The following COA8 variants were observed in gnomAD, a reference collection of about 807,000 sequenced individuals.
COA8 encodes the protein cytochrome c oxidase assembly factor 8, also known as UPF0671 protein C14orf153.
A neutral mutation model predicts 22.0 loss-of-function variants in COA8; 20 were observed. The observed-to-expected ratio is 0.91, with a 90% confidence interval of 0.64 to 1.32. COA8 has a LOEUF of 1.32. COA8 is among the 40% of genes most tolerant of loss of function. The pLI, the probability that COA8 is intolerant of heterozygous loss-of-function variation, is 0.00. For synonymous variants in COA8, 105 were observed against 79.9 expected (o/e 1.31, Z -1.68); for missense variants, 266 against 230.0 (o/e 1.16, Z -1.01).
chr14:103,587,526 G>A (rs28514618), intron 4 of COA8, among the ~76,000 whole-genome samples, 162 bp downstream of exon 4: 11 of 96,500 alleles, frequency 1.1e-4, no homozygotes, highest in Non-Finnish European at 1.4e-4. Flanking sequence ...TTTTTTTTTT[G>A]AGACGGAGTT....
intron 4 of COA8, chr14:103,588,088 T>C (rs8008382): frequency 0.64 from 144,927 of 228,170 alleles, 48,589 homozygotes; most frequent in African/African-American, 0.75. Context: ...TGCACTCCAG[T>C]CTGGGCAAGG....
rs1595139032 is a variant in COA8, at chr14:103,571,503, A to C, written c.124-120A>C. The C allele has an allele frequency of 4.6e-5, 46 of 994,524 alleles. No individual in the cohort carries two copies. The East Asian group carries it at 8.9e-4, about 19-fold the overall frequency. The allele number at this position is 994,524 out of a possible 1,614,324, so 61.6% of individuals were successfully genotyped here. A position where few individuals can be genotyped will look rare whatever the true frequency, so the allele number is the denominator to read the frequency against. On this transcript the variant is annotated intron_variant, in intron 1 of 4. Transcript: ENST00000409074. Reference sequence around the variant, plus strand: ...ACTTTGGCTGAGATCACGCCACTACACTCCAGTCTGGCAACAGAGCGAGAC... The same window carrying C: ...ACTTTGGCTGAGATCACGCCACTACCCTCCAGTCTGGCAACAGAGCGAGAC...
Position 103,563,107 on chromosome 14 carries a change from G to C in COA8, c.106G>C (p.Asp36His), listed in dbSNP as rs768347313. 6.5e-7 allele frequency: 1 copy of C among 1,540,246 alleles called. No individual in the cohort carries two copies. The highest frequency in any genetic ancestry group is 1.4e-5 in the African/African-American group (1 of 73,234). Reference protein sequence around the residue: ...LAPERGAERRDTAPSGVSRFC... With the variant: ...LAPERGAERRHTAPSGVSRFC... ...TCCGGAGCGCGGCGCCGAGCGCAGG[G>C]ATACGGCGCCCAGCGGGGTAAGCAG... is the stretch of plus-strand genomic sequence containing the variant. Residue 36 changes from aspartate to histidine, a missense_variant, in exon 1 of 5, where the codon GAT (aspartate) becomes CAT (histidine). Physicochemically the swap from Asp to His is moderately conservative, Grantham distance 81. Coordinates refer to ENST00000409074, the MANE Select transcript of COA8 (RefSeq NM_001370595.2).
chr14:103,588,471 AATT>A (rs1374692707), intron 4 of COA8, among the ~76,000 whole-genome samples: 5 of 142,376 alleles, frequency 3.5e-5, no homozygotes, highest in African/African-American at 1.3e-4. Context: ...ATAAGTAAGT[AATT>A]AAAAAAATAT....
At position 103,581,047 on chromosome 14, in the gene COA8, G is replaced by A. The variant is rs1183817509; in HGVS notation, c.386-6227G>A. ...ACTCCCAACCTCAGGTGATCCGCCC[G>A]TCTTGGCCTCCCAAAGTCCTGGGAT... On this transcript the variant is annotated intron_variant, in intron 3 of 4. Transcript: ENST00000409074. This position sits in a 1 kb window ranked among gnomAD's most constrained non-coding sequence, Gnocchi z 4.1. 6.7e-6 allele frequency among the ~76,000 whole-genome samples: 1 copy of A among 150,174 alleles called. No homozygotes were observed. Among genetic ancestry groups the A allele is most frequent in the African/African-American group, 2.5e-5 (1 of 40,710 alleles).
intron 3 of COA8, 43 bp from the exon 4 acceptor site, chr14:103,587,231 T>C (rs1212042889): frequency 1.9e-6 from 3 of 1,550,654 alleles, no homozygotes; most frequent in Non-Finnish European, 2.7e-6. Flanking sequence ...TTGTTTATCC[T>C]TTCTCCTTAA....
At chr14:103,570,441 A>T (rs780788240) in intron 1 of COA8, among the ~76,000 whole-genome samples, 2 of 152,070 alleles carry the variant, frequency 1.3e-5, no homozygotes, top group Non-Finnish European at 2.9e-5. Context: ...GCAGTAAAGA[A>T]AGAGTTTAGG....
intron 1 of COA8, among the ~76,000 whole-genome samples, chr14:103,565,027 C>T (rs970059768): frequency 6.6e-6 from 1 of 152,182 alleles, no homozygotes; most frequent in African/African-American, 2.4e-5. Context: ...AGTCTCGGCT[C>T]ACTGCAACCT....
intron 3 of COA8, among the ~76,000 whole-genome samples, chr14:103,579,780 A>C (rs891369378): frequency 2.6e-5 from 4 of 151,384 alleles, no homozygotes; most frequent in Non-Finnish European, 5.9e-5. Context: ...CTGGCCAACA[A>C]TGTGAAATCC....
chr14:103,582,698 C>A (rs369669898), intron 3 of COA8, among the ~76,000 whole-genome samples: 1 of 149,604 alleles, frequency 6.7e-6, no homozygotes, highest in African/African-American at 2.5e-5. Flanking sequence ...TATGCTGTGA[C>A]CTTTAGATAC....
chr14:103,564,919 G>A (rs888049379), intron 1 of COA8, among the ~76,000 whole-genome samples: 3 of 151,656 alleles, frequency 2.0e-5, no homozygotes, highest in Admixed American at 1.3e-4. Context: ...CTTACCATGG[G>A]TCTGTTCTCA....
intron 3 of COA8, among the ~76,000 whole-genome samples, chr14:103,584,953 T>C (rs564645880): frequency 1.3e-5 from 2 of 150,494 alleles, no homozygotes; most frequent in African/African-American, 4.9e-5. Flanking sequence ...GTCTGACCGA[T>C]GTGGTGAAAC....
rs751876490 is a variant in COA8, at chr14:103,571,696, G to A, written c.197G>A (p.Arg66Gln). Residue 66 changes from arginine to glutamine, a missense_variant, in exon 2 of 5, where the codon CGA (arginine) becomes CAA (glutamine). Physicochemically the swap from Arg to Gln is conservative, Grantham distance 43 (BLOSUM62 1). Transcript: ENST00000409074. ...CCCCCAGATAAATATTCAAACCTTC[G>A]ACCTGTTCACTTTTACATACCTGAA... ...IGPPDKYSNL[R>Q]PVHFYIPENE... 99 of 1,613,926 alleles carry A rather than the reference G, an allele frequency of 6.1e-5. 1 individual carries two copies. Among genetic ancestry groups the A allele is most frequent in the Non-Finnish European group, 7.6e-5 (90 of 1,180,014 alleles).
At chr14:103,589,913 C>CAA (rs1026898331) in intron 4 of COA8, among the ~76,000 whole-genome samples, 1 of 132,492 alleles carries the variant, frequency 7.5e-6, no homozygotes, top group Non-Finnish European at 1.6e-5. Context: ...GACTCCGTCT[C>CAA]AAAAAAAAAA....
chr14:103,583,998 C>T (rs1288524793), intron 3 of COA8, among the ~76,000 whole-genome samples: 3 of 152,230 alleles, frequency 2.0e-5, no homozygotes, highest in Non-Finnish European at 2.9e-5. Context: ...TGCGGAGCCC[C>T]TGCGCCCTCT....
chr14:103,576,764 C>T (rs1219810605), intron 3 of COA8, among the ~76,000 whole-genome samples: 1 of 152,200 alleles, frequency 6.6e-6, no homozygotes, highest in Non-Finnish European at 1.5e-5. Context: ...CTGGCTCCAG[C>T]CCGGTTGGGA....
At chr14:103,566,398 C>T (rs546770091) in intron 1 of COA8, among the ~76,000 whole-genome samples, 7 of 152,140 alleles carry the variant, frequency 4.6e-5, no homozygotes, top group South Asian at 4.2e-4. Context: ...CCAGCCTGGG[C>T]GATGGACCAA....
At chr14:103,575,076 G>A (rs533048859) in intron 3 of COA8, among the ~76,000 whole-genome samples, 20 of 152,380 alleles carry the variant, frequency 1.3e-4, no homozygotes, top group South Asian at 4.1e-4. Context: ...GGGCCTCGCC[G>A]CGCCCCATGG....
intron 1 of COA8, 68 bp downstream of exon 1, chr14:103,563,192 G>T: frequency 6.7e-7 from 1 of 1,495,418 alleles, no homozygotes; most frequent in Non-Finnish European, 9.0e-7. Flanking sequence ...CCGGGCCTCG[G>T]GGCCACTCCC....
Sources: gnomAD v4.1 joint callset for allele counts (sites outside exome capture counted in the v4.1 genomes callset) on GRCh38, gnomAD v4.1.1 for gene constraint, Gnocchi (gnomAD v3.1) non-coding constraint, MANE v1.5 for transcripts, NCBI Gene and HGNC (gene_info 2026-07-23, HGNC 2026-07-21) for gene names.